Variants in TEK observed in about 807,000 individuals in gnomAD.
The protein encoded by TEK is angiopoietin-1 receptor.
Under a neutral mutation model 131.8 loss-of-function variants are expected in TEK, and 43 were observed. The observed-to-expected ratio is 0.33, with a 90% CI of 0.26 to 0.42. The LOEUF is 0.42. TEK is among the 10% of genes least tolerant of loss of function. The probability of loss-of-function intolerance (pLI) is 1.00; values close to 1 mark genes in which losing one functional copy is unlikely to be tolerated. For synonymous variants in TEK, 580 were observed against 491.6 expected (o/e 1.18, Z -2.38); for missense variants, 1,162 against 1,384.4 (o/e 0.84, Z 2.55).
chr9:27,151,626 T>G (rs1823129427), intron 1 of TEK, among the ~76,000 whole-genome samples: 2 of 152,310 alleles, frequency 1.3e-5, no homozygotes, highest in South Asian at 4.1e-4. Flanking sequence ...AAGCATCTTG[T>G]AATTCTCTCT....
chr9:27,180,561 T>C (rs1824328705), intron 7 of TEK, among the ~76,000 whole-genome samples, 193 bp downstream of exon 7: 1 of 152,192 alleles, frequency 6.6e-6, no homozygotes, highest in East Asian at 1.9e-4. Context: ...TAGTAGGCTT[T>C]ATTTGTCTTT....
intron 1 of TEK, among the ~76,000 whole-genome samples, chr9:27,128,676 T>G (rs1026841711): frequency 6.6e-6 from 1 of 152,212 alleles, no homozygotes; most frequent in Non-Finnish European, 1.5e-5. Flanking sequence ...GTAGTTCTCC[T>G]TGAAGAGGTC....
rs1444370746 is a variant in TEK, at chr9:27,229,551, T to A, written c.*319T>A. The A allele has an allele frequency of 2.8e-6, 1 of 358,034 alleles. No homozygotes were observed. Among genetic ancestry groups the A allele is most frequent in the East Asian group, 5.6e-5 (1 of 17,906 alleles). 22.2% of individuals were successfully genotyped at this position (358,034 alleles called of 1,614,324 possible). Reference sequence around the variant, plus strand: ...ACAATTAGTATAATGCATAACTCATTGTTGTCCTAGATATTTTGATATTTA... The same window carrying A: ...ACAATTAGTATAATGCATAACTCATAGTTGTCCTAGATATTTTGATATTTA... On this transcript the variant is annotated 3_prime_UTR_variant, in exon 23 of 23. Coordinates refer to ENST00000380036, the MANE Select transcript of TEK (RefSeq NM_000459.5).
intron 19 of TEK, 39 bp downstream of exon 19, chr9:27,217,797 T>G: frequency 6.4e-7 from 1 of 1,553,784 alleles, no homozygotes; most frequent in South Asian, 1.1e-5. Flanking sequence ...TTTTTTTCCC[T>G]CCCAGAAACA....
chr9:27,134,685 T>G (rs12340500), intron 1 of TEK, among the ~76,000 whole-genome samples: 22,278 of 152,152 alleles, frequency 0.15, 1,812 homozygotes, highest in Middle Eastern at 0.27. Flanking sequence ...AGATGATACA[T>G]GTATGCCATC....
intron 1 of TEK, among the ~76,000 whole-genome samples, chr9:27,135,645 T>C (rs1457573000): frequency 6.6e-6 from 1 of 152,208 alleles, no homozygotes; most frequent in Non-Finnish European, 1.5e-5. Context: ...AGCTTCATTT[T>C]ACAGATGACC....
chr9:27,205,183 C>A, intron 14 of TEK, 118 bp downstream of exon 14: 1 of 1,283,398 alleles, frequency 7.8e-7, no homozygotes, highest in Non-Finnish European at 1.1e-6. Flanking sequence ...CTTAGGCAAG[C>A]CTCATCTTCT....
intron 21 of TEK, among the ~76,000 whole-genome samples, chr9:27,226,261 A>T (rs972382412): frequency 1.3e-4 from 20 of 152,238 alleles, no homozygotes; most frequent in Non-Finnish European, 2.9e-4. Flanking sequence ...AAATCATTCT[A>T]CTATAAAGAC....
intron 2 of TEK, among the ~76,000 whole-genome samples, chr9:27,162,943 C>G (rs944914868): frequency 4.6e-5 from 7 of 152,062 alleles, no homozygotes; most frequent in Non-Finnish European, 7.4e-5. Flanking sequence ...CTCCATCTCC[C>G]GACCTTGTGA....
intron 18 of TEK, among the ~76,000 whole-genome samples, chr9:27,215,610 A>G (rs1380734669): frequency 6.8e-6 from 1 of 147,024 alleles, no homozygotes; most frequent in East Asian, 2.0e-4. Context: ...TACTGGAAGT[A>G]TTACTGCAAA....
At chr9:27,222,122 G>A (rs1056550299) in intron 21 of TEK, among the ~76,000 whole-genome samples, 1 of 152,180 alleles carries the variant, frequency 6.6e-6, no homozygotes, top group Non-Finnish European at 1.5e-5. Context: ...AATGGATCAA[G>A]TGGAAGAAAG....
intron 1 of TEK, among the ~76,000 whole-genome samples, chr9:27,134,797 G>A (rs1564049680): frequency 1.3e-5 from 2 of 152,140 alleles, no homozygotes; most frequent in African/African-American, 2.4e-5. Context: ...CTAATAAAAA[G>A]AAGAGAAACC....
intron 1 of TEK, among the ~76,000 whole-genome samples, chr9:27,113,527 G>A (rs578253988): frequency 6.6e-6 from 1 of 152,320 alleles, no homozygotes; most frequent in East Asian, 1.9e-4. Context: ...GGCAGAGGTT[G>A]CAGTGAGCTG....
intron 1 of TEK, among the ~76,000 whole-genome samples, chr9:27,142,177 G>T (rs939201422): frequency 6.6e-6 from 1 of 152,194 alleles, no homozygotes; most frequent in African/African-American, 2.4e-5. Flanking sequence ...AGCTAGAATG[G>T]ACAGACAATG....
At chr9:27,154,709 C>T (rs1470035475) in intron 1 of TEK, among the ~76,000 whole-genome samples, 1 of 152,172 alleles carries the variant, frequency 6.6e-6, no homozygotes, top group African/African-American at 2.4e-5. Context: ...CCAAAGCTCA[C>T]ATAGAAGATC....
At chr9:27,150,335 G>T (rs779101758) in intron 1 of TEK, among the ~76,000 whole-genome samples, 3 of 152,204 alleles carry the variant, frequency 2.0e-5, no homozygotes, top group Non-Finnish European at 4.4e-5. Context: ...GGCCAGGCAT[G>T]TTGGCTTATG....
intron 21 of TEK, among the ~76,000 whole-genome samples, chr9:27,225,316 A>C (rs922778760): frequency 6.6e-6 from 1 of 152,240 alleles, no homozygotes; most frequent in East Asian, 1.9e-4. Flanking sequence ...AACTGGAGGC[A>C]TCAAGCTACC....
In TEK at chr9:27,190,772, T is replaced by G. The variant is rs1028228931; in HGVS notation, c.1489+82T>G. ...TTCTCCAAATCTAGAAATTCCCTTCTCCCTGCCTCAATCCTCTACCTCAAG... is the reference window on the plus strand; with the variant it reads ...TTCTCCAAATCTAGAAATTCCCTTCGCCCTGCCTCAATCCTCTACCTCAAG... On this transcript the variant is annotated intron_variant, in intron 10 of 22. Coordinates refer to ENST00000380036, the MANE Select transcript of TEK (RefSeq NM_000459.5). The G allele has an allele frequency of 3.2e-6, 5 of 1,562,760 alleles. No homozygotes were observed. In the South Asian group the frequency reaches 5.6e-5, roughly 17 times the overall value.
intron 2 of TEK, among the ~76,000 whole-genome samples, chr9:27,158,752 C>T (rs986859985): frequency 2.0e-5 from 3 of 151,416 alleles, no homozygotes; most frequent in African/African-American, 4.9e-5. Context: ...CTCCGCCTCC[C>T]GGGTTCAAGC....
Sources: allele counts gnomAD v4.1 joint callset (sites outside exome capture counted in the v4.1 genomes callset), GRCh38; gene constraint gnomAD v4.1.1; transcripts MANE v1.5; gene names NCBI Gene and HGNC (gene_info 2026-07-23, HGNC 2026-07-21).